PMEPA1: variants seen among roughly 807,000 people sequenced by gnomAD.
PMEPA1 encodes prostate transmembrane protein, androgen induced 1.
A neutral mutation model predicts 23.0 loss-of-function variants in PMEPA1; 11 were observed. The observed-to-expected ratio is 0.48, with a 90% CI of 0.30 to 0.79. PMEPA1 has a LOEUF of 0.79. Ranked by LOEUF, PMEPA1 falls within the 30% of genes least tolerant of loss-of-function variation. PMEPA1 has a pLI of 0.06. For synonymous variants in PMEPA1, 204 were observed against 166.4 expected, an observed-to-expected ratio of 1.23 and a Z score of -1.74; for missense variants, 377 against 390.9, an observed-to-expected ratio of 0.96 and a Z score of 0.30.
chr20:57,678,426 T>A (rs1237693682), intron 1 of PMEPA1, among the ~76,000 whole-genome samples: 2 of 152,256 alleles, frequency 1.3e-5, no homozygotes, highest in Non-Finnish European at 2.9e-5. Context: ...ATCACCAGAA[T>A]CGCCCTGGCA....
At chr20:57,708,352 G>T (rs887567198) in intron 1 of PMEPA1, among the ~76,000 whole-genome samples, 5 of 152,212 alleles carry the variant, frequency 3.3e-5, no homozygotes, top group African/African-American at 1.2e-4. Flanking sequence ...AAGGTGGGCT[G>T]GGGGACAAGG....
intron 1 of PMEPA1, among the ~76,000 whole-genome samples, chr20:57,702,746 G>A (rs531340983): frequency 3.3e-5 from 5 of 152,304 alleles, no homozygotes; most frequent in East Asian, 1.9e-4. Flanking sequence ...TTTTGTATCC[G>A]CAGATTGGTG....
intron 1 of PMEPA1, among the ~76,000 whole-genome samples, chr20:57,664,108 C>T (rs1016145992): frequency 1.1e-4 from 16 of 152,314 alleles, no homozygotes; most frequent in Admixed American, 2.0e-4. Context: ...CGAGGTCGGT[C>T]GCAAACCAGA....
upstream of PMEPA1, chr20:57,710,637 T>C: frequency 1.7e-6 from 1 of 593,202 alleles, no homozygotes; most frequent in South Asian, 2.5e-5. Context: ...CGGGGACTGG[T>C]GTATTGTCGC....
chr20:57,670,668 G>A (rs1052695925), intron 1 of PMEPA1, among the ~76,000 whole-genome samples: 42 of 152,152 alleles, frequency 2.8e-4, no homozygotes, highest in Non-Finnish European at 2.8e-4. Flanking sequence ...CTGACTCCGC[G>A]TTGTATTCCG....
intron 1 of PMEPA1, among the ~76,000 whole-genome samples, chr20:57,679,205 G>A (rs2071678405): frequency 6.6e-6 from 1 of 152,114 alleles, no homozygotes; most frequent in African/African-American, 2.4e-5. Flanking sequence ...GAGGAGAGTT[G>A]GGGAAAAAAC....
chr20:57,690,926 G>C (rs1415301063), intron 1 of PMEPA1, among the ~76,000 whole-genome samples: 1 of 152,202 alleles, frequency 6.6e-6, no homozygotes, highest in African/African-American at 2.4e-5. Flanking sequence ...GATAAACGCT[G>C]ATGCCTCTAC....
chr20:57,652,246 C>T lies in PMEPA1; in HGVS notation c.671G>A (p.Arg224His). 1 of 1,606,758 alleles carries T rather than the reference C, an allele frequency of 6.2e-7. No homozygotes were observed. The highest frequency in any genetic ancestry group is 8.5e-7 in the Non-Finnish European group (1 of 1,179,184). ...GTAGGTGGGCGGCGGCCCCTCCATG[C>T]GCCCGCCGCTGCCGTAGCACGTGGC... is the stretch of plus-strand genomic sequence containing the variant. ...ISATCYGSGGRMEGPPPTYSE... is the reference protein window; with the variant it reads ...ISATCYGSGGHMEGPPPTYSE... Residue 224 changes from arginine to histidine, a missense_variant, in exon 4 of 4, where the codon CGC becomes CAC. Around this residue, in one of 3 missense-constraint regions of PMEPA1, gnomAD observed 176 missense variants for 173.0 expected, o/e 1.02. Transcript: ENST00000341744. This position sits in a 1 kb window ranked among gnomAD's most constrained non-coding sequence, Gnocchi z 6.1.
chr20:57,689,285 G>C (rs1002979938), intron 1 of PMEPA1, among the ~76,000 whole-genome samples: 2 of 152,120 alleles, frequency 1.3e-5, no homozygotes, highest in African/African-American at 4.8e-5. Context: ...CACTTTCTGG[G>C]GCCCTCCCCC....
intron 2 of PMEPA1, among the ~76,000 whole-genome samples, chr20:57,653,292 AG>A (rs2071280817): frequency 6.6e-6 from 1 of 152,098 alleles, no homozygotes; most frequent in African/African-American, 2.4e-5. Context: ...CTGATCCCTG[AG>A]GTGCCCTCTG....
At chr20:57,664,264 C>G (rs111514520) in intron 1 of PMEPA1, among the ~76,000 whole-genome samples, 3 of 152,176 alleles carry the variant, frequency 2.0e-5, no homozygotes, top group Non-Finnish European at 4.4e-5. Context: ...CTGACACTGT[C>G]GGTCCCCACC....
chr20:57,672,666 G>A (rs748143677), intron 1 of PMEPA1, among the ~76,000 whole-genome samples: 60 of 152,352 alleles, frequency 3.9e-4, no homozygotes, highest in South Asian at 2.5e-3. Flanking sequence ...GAGGCAGGGA[G>A]GTGGGCAGAT....
rs1436882177 is a variant in PMEPA1, at chr20:57,683,554, C to CCT, written c.110-23858_110-23857insAG. ...CGGTGGTGGTGTTCTGGCCTGTGTGCGTGTGTGTGTGTGTGTGTGTGTGTG... is the reference window on the plus strand; with the variant it reads ...CGGTGGTGGTGTTCTGGCCTGTGTGCCTGTGTGTGTGTGTGTGTGTGTGTGTG... On this transcript the variant is annotated intron_variant, in intron 1 of 3. Transcript: ENST00000341744. The surrounding 1 kb of genome is among the most constrained non-coding windows in gnomAD (Gnocchi z 4.3). Among the ~76,000 whole-genome samples the CCT allele has an allele frequency of 9.4e-6, 1 of 106,310 alleles. No homozygotes were observed. 69.7% of individuals were successfully genotyped at this position (106,310 alleles called of 152,430 possible).
Position 57,709,585 on chromosome 20 carries a change from ACGGCGCGGCGGCG to A in PMEPA1, c.-16_-4del. On this transcript the variant is annotated 5_prime_UTR_variant, in exon 1 of 4. Coordinates refer to ENST00000341744, the MANE Select transcript of PMEPA1 (RefSeq NM_020182.5). Reference sequence around the variant, plus strand: ...TTGACCCCCATCAAGCGGTGCATGGACGGCGCGGCGGCGCGGCGCGGGGCGCGGGGGGCTCGGG... The same window carrying A: ...TTGACCCCCATCAAGCGGTGCATGGACGGCGCGGGGCGCGGGGGGCTCGGG... 1 of 988,394 alleles carries A rather than the reference ACGGCGCGGCGGCG, an allele frequency of 1.0e-6. No individual in the cohort carries two copies. Among genetic ancestry groups the A allele is most frequent in the Non-Finnish European group, 1.2e-6 (1 of 826,740 alleles). 61.2% of individuals were successfully genotyped at this position (988,394 alleles called of 1,614,324 possible).
chr20:57,652,180 T>C lies in PMEPA1; in HGVS notation c.737A>G (p.His246Arg). ...GGAGGGCGGCCCACTGCTCTGCTGG[T>C]GCTGGAAGGAGGACCCCGGGTAGTG... ...IGHYPGSSFQ[H>R]QQSSGPPSLL... Residue 246 changes from histidine (H) to arginine (R), a missense_variant, in exon 4 of 4, where the codon CAC becomes CGC. Around this residue, in one of 3 missense-constraint regions of PMEPA1, gnomAD observed 176 missense variants for 173.0 expected, o/e 1.02. Transcript: ENST00000341744. The surrounding 1 kb of genome is among the most constrained non-coding windows in gnomAD (Gnocchi z 6.1). 6.2e-7 allele frequency: 1 copy of C among 1,609,382 alleles called. No individual in the cohort carries two copies. The highest frequency in any genetic ancestry group is 8.5e-7 in the Non-Finnish European group (1 of 1,178,482).
chr20:57,663,678 C>T (rs1442100859), intron 1 of PMEPA1, among the ~76,000 whole-genome samples: 2 of 152,186 alleles, frequency 1.3e-5, no homozygotes, highest in Non-Finnish European at 2.9e-5. Flanking sequence ...GCACGGAGTG[C>T]GGGGCAGAGT....
At chr20:57,657,607 C>T (rs780403196) in intron 2 of PMEPA1, among the ~76,000 whole-genome samples, 2 of 152,052 alleles carry the variant, frequency 1.3e-5, no homozygotes, top group South Asian at 2.1e-4. Context: ...CAGTGGGCCC[C>T]GGGTCTGTGG....
chr20:57,653,779 G>A (rs571917105), intron 2 of PMEPA1, among the ~76,000 whole-genome samples: 3 of 152,322 alleles, frequency 2.0e-5, no homozygotes, highest in Admixed American at 1.3e-4. Context: ...CAGTTCCAGC[G>A]TCCCCTGCAG....
intron 1 of PMEPA1, among the ~76,000 whole-genome samples, chr20:57,681,133 C>A (rs528066138): frequency 2.6e-5 from 4 of 152,332 alleles, no homozygotes; most frequent in South Asian, 4.1e-4. Context: ...AGGGACAGGG[C>A]CCATTGTGAT....
Sources: gnomAD v4.1 joint callset for allele counts (sites outside exome capture counted in the v4.1 genomes callset) on GRCh38, gnomAD v4.1.1 for gene constraint, gnomAD v4.1.1 regional missense constraint, Gnocchi (gnomAD v3.1) non-coding constraint, MANE v1.5 for transcripts, NCBI Gene and HGNC (gene_info 2026-07-23, HGNC 2026-07-21) for gene names.